OPN5: variants seen among roughly 807,000 people sequenced by gnomAD.
OPN5 encodes opsin 5, also known as opsin-5.
A neutral mutation model predicts 41.7 loss-of-function variants in OPN5; 18 were observed. That is an observed-to-expected ratio of 0.43 (90% confidence interval 0.30 to 0.64). The LOEUF is 0.64. Ranked by LOEUF, OPN5 falls within the 30% of genes least tolerant of loss-of-function variation. OPN5 has a pLI of 0.13. For missense variants in OPN5, 318 were observed against 434.5 expected, an observed-to-expected ratio of 0.73 and a Z score of 2.38; for synonymous variants, 178 against 164.3, an observed-to-expected ratio of 1.08 and a Z score of -0.64.
intron 6 of OPN5, among the ~76,000 whole-genome samples, chr6:47,822,291 G>A (rs1762649831): frequency 6.6e-6 from 1 of 152,058 alleles, no homozygotes; most frequent in Non-Finnish European, 1.5e-5. Flanking sequence ...TTAGATTTTG[G>A]AAGTAGTTTG....
At chr6:47,807,148 A>C (rs1774002043) in intron 4 of OPN5, among the ~76,000 whole-genome samples, 1 of 152,156 alleles carries the variant, frequency 6.6e-6, no homozygotes, top group Non-Finnish European at 1.5e-5. Context: ...CAAGAGCGAA[A>C]CTTCATCTCA....
chr6:47,810,452 G>C (rs1052194203), intron 5 of OPN5, among the ~76,000 whole-genome samples: 31 of 150,528 alleles, frequency 2.1e-4, no homozygotes, highest in Middle Eastern at 3.4e-3. Context: ...GTAATGTGCA[G>C]GTCTGCAGAG....
chr6:47,812,073 T>C (rs1466528882), intron 6 of OPN5, among the ~76,000 whole-genome samples: 2 of 152,212 alleles, frequency 1.3e-5, no homozygotes, highest in Non-Finnish European at 2.9e-5. Context: ...TATTACATCA[T>C]TGTCATTATT....
intron 2 of OPN5, among the ~76,000 whole-genome samples, chr6:47,790,942 G>GA (rs1200115881): frequency 2.0e-5 from 3 of 152,006 alleles, no homozygotes; most frequent in African/African-American, 4.8e-5. Flanking sequence ...CCAAAAGAAA[G>GA]AAAAAAACCA....
chr6:47,795,221 G>A lies in OPN5; in HGVS notation c.422-8G>A, dbSNP rs371873179. The A allele has an allele frequency of 4.3e-5, 68 of 1,572,262 alleles. No individual in the cohort carries two copies. Among genetic ancestry groups the A allele is most frequent in the Middle Eastern group, 1.7e-4 (1 of 5,846 alleles). On this transcript the variant is annotated splice_region_variant and splice_polypyrimidine_tract_variant and intron_variant, in intron 3 of 6. Transcript: ENST00000371211. ...TACATCCGGGTAATGCTTTTCTTCC[G>A]CCTCCAGGGGTTTGGCTGAAAAGAA...
At position 47,792,784 on chromosome 6, in the gene OPN5, G is replaced by A. The variant is rs572952920; in HGVS notation, c.421+812G>A. ...TGTCAATCTGTCAATTAGAGTGGTT[G>A]TGATGGACGACAGACTGTGGTGTCA... On this transcript the variant is annotated intron_variant, in intron 3 of 6. Coordinates refer to ENST00000371211, the Ensembl canonical transcript of OPN5. 6.6e-5 allele frequency among the ~76,000 whole-genome samples: 10 copies of A among 152,296 alleles called. No homozygotes were observed. The South Asian group carries it at 2.1e-3, about 32-fold the overall frequency.
rs569347929 is a variant in OPN5, at chr6:47,784,359, C to T, written c.131-2156C>T. Among the ~76,000 whole-genome samples the T allele has an allele frequency of 4.6e-5, 7 of 151,792 alleles. No individual in the cohort carries two copies. The South Asian group carries it at 1.5e-3, about 32-fold the overall frequency. On this transcript the variant is annotated intron_variant, in intron 1 of 6. Transcript: ENST00000371211. ...TCACCCAGGTTGGAGTGCAGTGGTG[C>T]GATCTCGGCTCACTGCAACCTCCAT...
At chr6:47,804,020 A>G (rs1179778777) in intron 4 of OPN5, among the ~76,000 whole-genome samples, 1 of 152,240 alleles carries the variant, frequency 6.6e-6, no homozygotes, top group African/African-American at 2.4e-5. Context: ...ACTTTCAACC[A>G]CATTATTCGA....
At chr6:47,804,131 A>G (rs996258119) in intron 4 of OPN5, among the ~76,000 whole-genome samples, 1 of 152,196 alleles carries the variant, frequency 6.6e-6, no homozygotes, top group Admixed American at 6.5e-5. Context: ...AACTGGCTAT[A>G]TCCCTTGGTC....
intron 5 of OPN5, among the ~76,000 whole-genome samples, chr6:47,809,606 G>T (rs1034437453): frequency 6.6e-6 from 1 of 152,160 alleles, no homozygotes; most frequent in African/African-American, 2.4e-5. Flanking sequence ...ATAGAGCCTA[G>T]AATTGGAATA....
exon 4 of OPN5, chr6:47,795,444 G>T: frequency 1.2e-6 from 2 of 1,614,118 alleles, no homozygotes; most frequent in Non-Finnish European, 1.7e-6. Flanking sequence ...GCTCCCAACG[G>T]CTGTGATCGT....
chr6:47,787,617 C>A (rs1344132738), intron 2 of OPN5, among the ~76,000 whole-genome samples: 1 of 152,056 alleles, frequency 6.6e-6, no homozygotes, highest in Non-Finnish European at 1.5e-5. Context: ...AAAAATATTT[C>A]GTGTCTGGGC....
Position 47,802,111 on chromosome 6 carries a change from A to G in OPN5, c.757-6043A>G, listed in dbSNP as rs549219046. Among the ~76,000 whole-genome samples, 80 of 152,278 alleles carry G rather than the reference A, an allele frequency of 5.3e-4. 1 individual carries two copies. In the South Asian group the frequency reaches 0.016, roughly 30 times the overall value. ...GAGAAGCACTGTGCCTCTTAATTTA[A>G]AAGACGCTGAAAAGAACAGCTACTC... On this transcript the variant is annotated intron_variant, in intron 4 of 6. Coordinates refer to ENST00000371211, the Ensembl canonical transcript of OPN5.
At chr6:47,782,305 G>A (rs560961306) in intron 1 of OPN5, 109 bp downstream of exon 1, 3 of 1,015,948 alleles carry the variant, frequency 3.0e-6, no homozygotes, top group Admixed American at 4.4e-5. Context: ...TTTAGTGGAG[G>A]CGAAGAGTGG....
intron 3 of OPN5, chr6:47,793,678 C>T (rs1773455499): frequency 5.2e-6 from 1 of 193,364 alleles, no homozygotes; most frequent in Non-Finnish European, 9.5e-6. Flanking sequence ...GTAACCTCCA[C>T]CCATTGGTCC....
At chr6:47,821,793 G>A (rs1051382904) in intron 6 of OPN5, among the ~76,000 whole-genome samples, 1 of 152,066 alleles carries the variant, frequency 6.6e-6, no homozygotes, top group African/African-American at 2.4e-5. Context: ...ACTGTCTGTG[G>A]AATAGTTGCT....
At chr6:47,793,247 T>C (rs1006093669) in intron 3 of OPN5, among the ~76,000 whole-genome samples, 2 of 152,198 alleles carry the variant, frequency 1.3e-5, no homozygotes, top group African/African-American at 4.8e-5. Flanking sequence ...CTGATACCTC[T>C]GTTTTTAAAT....
exon 5 of OPN5, chr6:47,808,369 CAAG>C (rs755173961): frequency 1.2e-5 from 19 of 1,613,906 alleles, no homozygotes; most frequent in East Asian, 2.2e-5. Context: ...TGAAAGCAAC[CAAG>C]AAGAAGTCTC....
At chr6:47,794,977 G>T in intron 3 of OPN5, 1 of 429,446 alleles carries the variant, frequency 2.3e-6, no homozygotes, top group East Asian at 3.5e-5. Context: ...CCTTTTCCCA[G>T]CTGTTGTCAC....
Sources: allele counts gnomAD v4.1 joint callset (sites outside exome capture counted in the v4.1 genomes callset), GRCh38; gene constraint gnomAD v4.1.1; transcripts MANE v1.5; gene names NCBI Gene and HGNC (gene_info 2026-07-23, HGNC 2026-07-21).